RIMBP2: variants seen among roughly 807,000 people sequenced by gnomAD.
RIMBP2 encodes RIMS binding protein 2.
In RIMBP2, 48 loss-of-function variants were observed where a neutral mutation model predicts 118.6. The observed-to-expected ratio is 0.40, with a 90% CI of 0.32 to 0.51. The LOEUF (loss-of-function observed/expected upper bound fraction) is 0.51, where lower values mean the gene tolerates loss of function less well. Among genes scored for constraint, RIMBP2 ranks in the 20% least tolerant of loss-of-function variants. The probability of loss-of-function intolerance (pLI) is 0.41; values close to 1 mark genes in which losing one functional copy is unlikely to be tolerated. For synonymous variants in RIMBP2, 762 were observed against 742.9 expected, an observed-to-expected ratio of 1.03 and a Z score of -0.42; for missense variants, 1,551 against 1,768.3, an observed-to-expected ratio of 0.88 and a Z score of 2.20.
intron 22 of RIMBP2, chr12:130,398,467 C>G (rs1458966661): frequency 6.5e-6 from 1 of 152,686 alleles, no homozygotes; most frequent in Non-Finnish European, 1.5e-5. Context: ...AAGATACCAT[C>G]TATTCCATCT....
intron 17 of RIMBP2, among the ~76,000 whole-genome samples, chr12:130,421,186 G>A (rs991695959): frequency 6.6e-6 from 1 of 152,166 alleles, no homozygotes; most frequent in African/African-American, 2.4e-5. Context: ...AACGACACAC[G>A]AATTGAATGA....
At chr12:130,630,846 G>A (rs2061949048) in intron 1 of RIMBP2, among the ~76,000 whole-genome samples, 1 of 152,128 alleles carries the variant, frequency 6.6e-6, no homozygotes, top group Non-Finnish European at 1.5e-5. Context: ...TCAAGTGTGA[G>A]GATAGAGAAG....
intron 1 of RIMBP2, among the ~76,000 whole-genome samples, chr12:130,636,929 C>G (rs780565017): frequency 6.6e-6 from 1 of 152,152 alleles, no homozygotes; most frequent in East Asian, 1.9e-4. Flanking sequence ...AAACCCAAAC[C>G]AATACACACC....
chr12:130,640,333 C>T (rs2062561893), intron 1 of RIMBP2, among the ~76,000 whole-genome samples: 1 of 152,206 alleles, frequency 6.6e-6, no homozygotes, highest in Non-Finnish European at 1.5e-5. Context: ...ATTTTGCTCC[C>T]ACTAAAGGCC....
rs117654370 is a variant in RIMBP2 at position 130,525,214 on chromosome 12, C to G, written c.-216-7297G>C. The stretch of plus-strand genomic sequence containing the variant: ...GAAGCAATGGGAAGCCAGCTCCAGG[C>G]TTTTCTAGGAGCTGAGTGACCAGAG... On this transcript the variant is annotated intron_variant, in intron 2 of 22. Coordinates refer to ENST00000690449, the MANE Select transcript of RIMBP2 (RefSeq NM_001393629.1). The surrounding 1 kb of genome is among the most constrained non-coding windows in gnomAD (Gnocchi z 4.4). Among the ~76,000 whole-genome samples, 441 of 152,290 alleles carry G rather than the reference C, an allele frequency of 2.9e-3. 13 individuals carry two copies. In the East Asian group the frequency reaches 0.041, roughly 14 times the overall value.
At position 130,437,255 on chromosome 12, in the gene RIMBP2, C is replaced by G. The variant is rs2077594884; in HGVS notation, c.1693G>C (p.Ala565Pro). 7 of 1,584,372 alleles carry G rather than the reference C, an allele frequency of 4.4e-6. No individual in the cohort carries two copies. In the East Asian group the frequency reaches 1.6e-4, roughly 36 times the overall value. Reference protein sequence around the residue: ...EVIFPTADSTAVELVRLRSLE... With the variant: ...EVIFPTADSTPVELVRLRSLE... ...CTCCGCAGCCGCACAAGCTCCACGG[C>G]CGTGCTGTCTGCCGTGGGGAAGATG... The change falls in exon 13 of 23, where the codon GCC becomes CCC. Residue 565 changes from alanine (A) to proline (P), a missense_variant. By Grantham distance (27) the Ala-to-Pro change is conservative. Coordinates refer to ENST00000690449, the MANE Select transcript of RIMBP2 (RefSeq NM_001393629.1).
chr12:130,506,036 T>C (rs2050310850), intron 4 of RIMBP2, among the ~76,000 whole-genome samples: 1 of 122,114 alleles, frequency 8.2e-6, no homozygotes, highest in South Asian at 2.8e-4. Context: ...CTGGAGATGA[T>C]TATTTTTTTA....
At chr12:130,533,213 T>C (rs2053668033) in intron 2 of RIMBP2, among the ~76,000 whole-genome samples, 1 of 152,130 alleles carries the variant, frequency 6.6e-6, no homozygotes, top group Admixed American at 6.5e-5. Context: ...TTACGTCTAA[T>C]GAGATGCATG....
intron 4 of RIMBP2, among the ~76,000 whole-genome samples, chr12:130,502,056 C>T (rs1344926726): frequency 6.6e-6 from 1 of 152,228 alleles, no homozygotes; most frequent in East Asian, 1.9e-4. Context: ...CTGCCTCATT[C>T]ACGGCCCAAC....
chr12:130,477,123 C>A (rs2081498542), intron 5 of RIMBP2, among the ~76,000 whole-genome samples: 1 of 152,232 alleles, frequency 6.6e-6, no homozygotes. Flanking sequence ...ACTAGTGAAG[C>A]ATCAGTGTGT....
intron 2 of RIMBP2, among the ~76,000 whole-genome samples, chr12:130,556,462 G>T (rs1173692710): frequency 1.3e-5 from 2 of 152,244 alleles, no homozygotes; most frequent in African/African-American, 4.8e-5. Context: ...AGAACCTCCA[G>T]CTGGGATTCT....
chr12:130,454,002 C>T (rs918086668), intron 7 of RIMBP2, among the ~76,000 whole-genome samples: 2 of 151,772 alleles, frequency 1.3e-5, no homozygotes, highest in African/African-American at 2.4e-5. Context: ...TGTACTGAGC[C>T]GAGATCACAC....
intron 11 of RIMBP2, 110 bp from the exon 12 acceptor site, chr12:130,438,626 C>T (rs1267121193): frequency 3.7e-6 from 4 of 1,083,732 alleles, no homozygotes; most frequent in Non-Finnish European, 3.9e-6. Flanking sequence ...GGTAAAGTCG[C>T]CAGGGAAAAA....
At chr12:130,713,154 G>A (rs902149697) in intron 1 of RIMBP2, among the ~76,000 whole-genome samples, 26 of 146,912 alleles carry the variant, frequency 1.8e-4, no homozygotes, top group Middle Eastern at 3.6e-3. Flanking sequence ...TGAAAGAAAC[G>A]GAATAAAAGA....
In RIMBP2 at chr12:130,424,252, T is replaced by G. The variant is rs1021490954; in HGVS notation, c.3019A>C (p.Thr1007Pro). 8.1e-7 allele frequency: 1 copy of G among 1,231,708 alleles called. No homozygotes were observed. Among genetic ancestry groups the G allele is most frequent in the Admixed American group, 4.2e-5 (1 of 23,700 alleles). 76.3% of individuals were successfully genotyped at this position (1,231,708 alleles called of 1,614,324 possible). Residue 1007 changes from threonine (T) to proline (P), a missense_variant, in exon 16 of 23, where the codon ACC (threonine) becomes CCC (proline). This residue lies in a region of RIMBP2 where 1,038 missense variants were observed against 1,125.1 expected (regional missense o/e 0.92). Transcript: ENST00000690449. This position sits in a 1 kb window ranked among gnomAD's most constrained non-coding sequence, Gnocchi z 9.8. ...ACACCCCGAAAATCTTGGTGCTCGG[T>G]GGGCTCGCCCCAGCCGTGCTTCCTG... ...PPRKHGWGEP[T>P]EHQDFRGVWK...
chr12:130,457,425 C>T (rs181727381), intron 6 of RIMBP2, among the ~76,000 whole-genome samples: 11 of 152,306 alleles, frequency 7.2e-5, no homozygotes, highest in Admixed American at 6.5e-4. Flanking sequence ...GGGCTGTGTC[C>T]AGTCTCGGGA....
intron 1 of RIMBP2, among the ~76,000 whole-genome samples, chr12:130,677,295 G>A (rs1238242176): frequency 3.9e-5 from 6 of 152,166 alleles, no homozygotes; most frequent in East Asian, 1.9e-4. Context: ...GACAAGTCAC[G>A]TGAGCATGCT....
chr12:130,456,798 CTGTGTGCACG>C, intron 6 of RIMBP2, 98 bp from the exon 7 acceptor site: 1 of 860,970 alleles, frequency 1.2e-6, no homozygotes, highest in Non-Finnish European at 1.8e-6. Flanking sequence ...CACATGTGCA[CTGTGTGCACG>C]TGTGTACACA....
At chr12:130,460,232 C>T (rs1173959090) in intron 6 of RIMBP2, among the ~76,000 whole-genome samples, 4 of 152,144 alleles carry the variant, frequency 2.6e-5, no homozygotes, top group African/African-American at 9.7e-5. Flanking sequence ...CTCTAGGTAT[C>T]CTGTGAGTCT....
Sources: allele counts gnomAD v4.1 joint callset (sites outside exome capture counted in the v4.1 genomes callset), GRCh38; gene constraint gnomAD v4.1.1; regional missense constraint gnomAD v4.1.1; non-coding constraint Gnocchi (gnomAD v3.1); transcripts MANE v1.5; gene names NCBI Gene and HGNC (gene_info 2026-07-23, HGNC 2026-07-21).